Variants in HNF4A observed in about 807,000 individuals in gnomAD.
The protein encoded by HNF4A is hepatocyte nuclear factor 4-alpha.
A neutral mutation model predicts 52.4 loss-of-function variants in HNF4A; 15 were observed. The ratio of observed to expected loss-of-function variants is 0.29; its 90% CI spans 0.19 to 0.44. The LOEUF is 0.44. Ranked by LOEUF, HNF4A falls within the 20% of genes least tolerant of loss-of-function variation. The pLI is 1.00. For missense variants in HNF4A, 479 were observed against 647.2 expected (o/e 0.74, Z 2.82); for synonymous variants, 280 against 264.4 (o/e 1.06, Z -0.57).
intron 1 of HNF4A, among the ~76,000 whole-genome samples, chr20:44,376,931 G>A (rs1427800160): frequency 6.6e-6 from 1 of 152,054 alleles, no homozygotes; most frequent in Admixed American, 6.6e-5. Context: ...GCTGGGTGCA[G>A]TGGCTCACCT....
intron 3 of HNF4A, among the ~76,000 whole-genome samples, chr20:44,413,470 G>A (rs1320863682): frequency 6.6e-6 from 1 of 152,078 alleles, no homozygotes; most frequent in African/African-American, 2.4e-5. Flanking sequence ...GCTGATGGGT[G>A]GATCACTCTT....
chr20:44,370,324 G>A (rs6031557), intron 1 of HNF4A, among the ~76,000 whole-genome samples: 122 of 152,368 alleles, frequency 8.0e-4, no homozygotes, highest in African/African-American at 2.8e-3. Context: ...ACAACGCCCA[G>A]CCACACTGGC....
At chr20:44,382,780 G>A (rs910893296) in intron 1 of HNF4A, among the ~76,000 whole-genome samples, 8 of 152,090 alleles carry the variant, frequency 5.3e-5, no homozygotes, top group African/African-American at 1.2e-4. Context: ...TTTCTGCTAA[G>A]GTAGCTTTTC....
exon 1 of HNF4A, chr20:44,355,709 C>A: frequency 9.0e-7 from 1 of 1,109,872 alleles, no homozygotes; most frequent in Non-Finnish European, 1.4e-6. Context: ...GCACTCACCG[C>A]CTTCCTGGTG....
Position 44,418,490 on chromosome 20 carries a change from G to T in HNF4A, c.714G>T (p.Val238=), listed in dbSNP as rs2063697415. 2 of 1,613,184 alleles carry T rather than the reference G, an allele frequency of 1.2e-6. No individual in the cohort carries two copies. The highest frequency in any genetic ancestry group is 1.7e-6 in the Non-Finnish European group (2 of 1,179,916). Residue 238 remains valine (V), a synonymous_variant, in exon 6 of 10, where the codon GTG becomes GTT. Coordinates refer to ENST00000316099, the MANE Select transcript of HNF4A (RefSeq NM_000457.6). ...TCGGAGCCACCAAGAGATCCATGGT[G>T]TTCAAGGACGTGCTGCTCCTAGGTG... is the stretch of plus-strand genomic sequence containing the variant.
chr20:44,416,109 A>G (rs2063660502), intron 5 of HNF4A, among the ~76,000 whole-genome samples: 2 of 152,118 alleles, frequency 1.3e-5, no homozygotes, highest in African/African-American at 4.8e-5. Flanking sequence ...ACACAGGACA[A>G]TCATTAACAC....
chr20:44,366,491 C>T (rs534672117), intron 1 of HNF4A, among the ~76,000 whole-genome samples: 21 of 152,116 alleles, frequency 1.4e-4, no homozygotes, highest in African/African-American at 3.1e-4. Flanking sequence ...CATGGTGGCA[C>T]GCACCTGTAA....
At chr20:44,415,200 G>A (rs1468556521) in intron 5 of HNF4A, among the ~76,000 whole-genome samples, 3 of 152,188 alleles carry the variant, frequency 2.0e-5, no homozygotes, top group Non-Finnish European at 4.4e-5. Context: ...TTAGAGTGTG[G>A]TTGGGAGGAT....
At chr20:44,434,328 G>A (rs1280528502), downstream of HNF4A, 1 of 152,158 alleles carries the variant, frequency 6.6e-6, no homozygotes, top group Non-Finnish European at 1.5e-5. Flanking sequence ...AACTCTTCAT[G>A]CGCCCCTTTT....
At chr20:44,398,591 T>C (rs2063374303), upstream of HNF4A, among the ~76,000 whole-genome samples, 1 of 152,206 alleles carries the variant, frequency 6.6e-6, no homozygotes, top group Admixed American at 6.5e-5. Context: ...TTTACAGTGA[T>C]GAGTGGATAG....
At chr20:44,387,886 A>T (rs559801244) in intron 1 of HNF4A, among the ~76,000 whole-genome samples, 3 of 152,272 alleles carry the variant, frequency 2.0e-5, no homozygotes, top group Non-Finnish European at 2.9e-5. Flanking sequence ...AACACAACAC[A>T]AAGATTGTGA....
At chr20:44,387,783 G>A (rs2063248753) in intron 1 of HNF4A, among the ~76,000 whole-genome samples, 1 of 151,578 alleles carries the variant, frequency 6.6e-6, no homozygotes. Flanking sequence ...GATGCATAAG[G>A]TTGGCTGGGG....
At chr20:44,369,573 G>A (rs1226200755) in intron 1 of HNF4A, among the ~76,000 whole-genome samples, 1 of 152,172 alleles carries the variant, frequency 6.6e-6, no homozygotes, top group Non-Finnish European at 1.5e-5. Context: ...AGTTAGAGAA[G>A]GTCAGAGTAC....
chr20:44,373,944 C>A (rs1024392099), intron 1 of HNF4A, among the ~76,000 whole-genome samples: 3 of 152,148 alleles, frequency 2.0e-5, no homozygotes, highest in Admixed American at 6.5e-5. Context: ...CCTACCTCAG[C>A]CTCCCAAACT....
At chr20:44,386,383 T>C (rs1464627818) in intron 1 of HNF4A, among the ~76,000 whole-genome samples, 1 of 151,918 alleles carries the variant, frequency 6.6e-6, no homozygotes, top group African/African-American at 2.4e-5. Context: ...GGCAGGCTGG[T>C]CTCGAACTCC....
Position 44,406,146 on chromosome 20 carries a change from G to A in HNF4A, c.204G>A (p.Thr68=), listed in dbSNP as rs145845882. The change falls in exon 2 of 10, where the codon ACG becomes ACA. Residue 68 remains threonine (T), a synonymous_variant. Transcript: ENST00000316099. ...GTGCCATCTGCGGGGACCGGGCCAC[G>A]GGCAAACACTACGGTGCCTCGAGCT... The A allele has an allele frequency of 3.5e-4, 560 of 1,613,782 alleles. No individual in the cohort carries two copies. Among genetic ancestry groups the A allele is most frequent in the African/African-American group, 8.5e-4 (64 of 74,946 alleles).
intron 3 of HNF4A, among the ~76,000 whole-genome samples, chr20:44,409,906 C>T (rs1024939504): frequency 6.6e-5 from 10 of 151,596 alleles, no homozygotes; most frequent in South Asian, 2.1e-4. Flanking sequence ...GGCAGTATCT[C>T]GGCTCACTGC....
At chr20:44,403,750 G>A (rs2063442983) in intron 1 of HNF4A, among the ~76,000 whole-genome samples, 1 of 152,222 alleles carries the variant, frequency 6.6e-6, no homozygotes, top group Non-Finnish European at 1.5e-5. Context: ...TTCACGGGAA[G>A]CAGTGCGATG....
chr20:44,390,746 A>AG, intron 1 of HNF4A: 1 of 686,220 alleles, frequency 1.5e-6, no homozygotes, highest in Non-Finnish European at 2.7e-6. Flanking sequence ...CACAGAACCA[A>AG]GGGGGAGGAT....
Sources: gnomAD v4.1 joint callset for allele counts (sites outside exome capture counted in the v4.1 genomes callset) on GRCh38, gnomAD v4.1.1 for gene constraint, MANE v1.5 for transcripts, NCBI Gene and HGNC (gene_info 2026-07-23, HGNC 2026-07-21) for gene names.